Variants in SLC8A1 observed in about 807,000 individuals in gnomAD.
The protein encoded by SLC8A1 is sodium/calcium exchanger 1.
Under a neutral mutation model 68.3 loss-of-function variants are expected in SLC8A1, and 18 were observed. That is an observed-to-expected ratio of 0.26 (90% confidence interval 0.18 to 0.39). The LOEUF is 0.39. Among genes scored for constraint, SLC8A1 ranks in the 10% least tolerant of loss-of-function variants. SLC8A1 has a pLI of 1.00. For missense variants in SLC8A1, 985 were observed against 1,156.7 expected (o/e 0.85, Z 2.15); for synonymous variants, 475 against 415.5 (o/e 1.14, Z -1.74).
chr2:40,422,367 C>A (rs1273229173), intron 2 of SLC8A1, among the ~76,000 whole-genome samples: 1 of 152,074 alleles, frequency 6.6e-6, no homozygotes, highest in African/African-American at 2.4e-5. Context: ...TACAATGTTG[C>A]CTATAGGCAA....
chr2:40,366,293 T>C (rs1161804720), intron 2 of SLC8A1, among the ~76,000 whole-genome samples: 1 of 152,080 alleles, frequency 6.6e-6, no homozygotes, highest in African/African-American at 2.4e-5. Flanking sequence ...CTTGCTAAAA[T>C]AGTGCTGACA....
chr2:40,263,355 T>C (rs142712182), intron 2 of SLC8A1, among the ~76,000 whole-genome samples: 179 of 152,282 alleles, frequency 1.2e-3, no homozygotes, highest in South Asian at 2.5e-3. Flanking sequence ...AAAACTACTT[T>C]AAAGTTCATA....
chr2:40,108,905 A>C (rs1340837081), exon 8 of SLC8A1: 6 of 152,164 alleles, frequency 3.9e-5, no homozygotes, highest in African/African-American at 1.2e-4. Flanking sequence ...GTCTAATTAA[A>C]AAGTTGTGTA....
intron 2 of SLC8A1, among the ~76,000 whole-genome samples, chr2:40,267,759 A>T (rs990925457): frequency 4.6e-5 from 7 of 152,192 alleles, no homozygotes; most frequent in Non-Finnish European, 1.5e-5. Flanking sequence ...TACAAGGTAG[A>T]TATTATTTTC....
intron 2 of SLC8A1, among the ~76,000 whole-genome samples, chr2:40,412,391 A>C (rs1390915179): frequency 6.6e-6 from 1 of 152,162 alleles, no homozygotes; most frequent in African/African-American, 2.4e-5. Context: ...TCTATTTTGT[A>C]ATCATATATT....
intron 2 of SLC8A1, among the ~76,000 whole-genome samples, chr2:40,372,233 C>A (rs1444932936): frequency 2.0e-5 from 3 of 151,844 alleles, no homozygotes; most frequent in Non-Finnish European, 4.4e-5. Flanking sequence ...TATATGGTCA[C>A]AGAAATCCTA....
In SLC8A1 at chr2:40,370,406, C is replaced by G. The variant is rs559026096; in HGVS notation, c.1808+58067G>C. Among the ~76,000 whole-genome samples, 7 of 152,208 alleles carry G rather than the reference C, an allele frequency of 4.6e-5. No homozygotes were observed. The South Asian group carries it at 1.0e-3, about 23-fold the overall frequency. ...ATATAGCAAAGGCTCTCTGGTGCCT[C>G]TTTTCTCTTTTCCCCTTCATCTTGC... On this transcript the variant is annotated intron_variant, in intron 2 of 7. Transcript: ENST00000406785.
chr2:40,473,231 G>C (rs1370808135), intron 1 of SLC8A1, among the ~76,000 whole-genome samples: 1 of 152,050 alleles, frequency 6.6e-6, no homozygotes, highest in Non-Finnish European at 1.5e-5. Context: ...GAAAATGAAA[G>C]ACATAGAAAA....
intron 2 of SLC8A1, among the ~76,000 whole-genome samples, chr2:40,229,075 C>G (rs908414810): frequency 6.6e-6 from 1 of 152,048 alleles, no homozygotes; most frequent in Non-Finnish European, 1.5e-5. Flanking sequence ...TTATTTTATA[C>G]ATAATCTAAT....
At chr2:40,146,883 T>A (rs368873813) in intron 6 of SLC8A1, among the ~76,000 whole-genome samples, 151 of 152,242 alleles carry the variant, frequency 9.9e-4, no homozygotes, top group African/African-American at 3.5e-3. Flanking sequence ...TAGTGCTACT[T>A]CTTAAGGGGT....
At chr2:40,420,381 GA>G (rs1695154384) in intron 2 of SLC8A1, among the ~76,000 whole-genome samples, 1 of 147,768 alleles carries the variant, frequency 6.8e-6, no homozygotes, top group Non-Finnish European at 1.5e-5. Flanking sequence ...AACAGACCAA[GA>G]AACTGCTATT....
chr2:40,345,752 C>T (rs1181758558), intron 2 of SLC8A1, among the ~76,000 whole-genome samples: 2 of 152,042 alleles, frequency 1.3e-5, no homozygotes, highest in Non-Finnish European at 2.9e-5. Context: ...GAACAGAAAA[C>T]CAAACACTGC....
chr2:40,339,531 A>T (rs914919514), intron 2 of SLC8A1, among the ~76,000 whole-genome samples: 3 of 152,232 alleles, frequency 2.0e-5, no homozygotes, highest in African/African-American at 7.2e-5. Context: ...ACTGTACCAG[A>T]TTGTGAAAAG....
intron 2 of SLC8A1, among the ~76,000 whole-genome samples, chr2:40,263,090 A>G (rs2064916734): frequency 6.6e-6 from 1 of 152,228 alleles, no homozygotes; most frequent in Non-Finnish European, 1.5e-5. Flanking sequence ...TACATTTTGA[A>G]AAACCTACAG....
At chr2:40,336,824 C>G (rs1666130339) in intron 2 of SLC8A1, among the ~76,000 whole-genome samples, 5 of 152,048 alleles carry the variant, frequency 3.3e-5, no homozygotes, top group South Asian at 4.1e-4. Flanking sequence ...TCAGAGATGT[C>G]ACATGGAATC....
chr2:40,353,905 G>A (rs1161258568), intron 2 of SLC8A1, among the ~76,000 whole-genome samples: 1 of 152,146 alleles, frequency 6.6e-6, no homozygotes, highest in Non-Finnish European at 1.5e-5. Flanking sequence ...TGTCTTCCTT[G>A]GAAAAGGAAA....
At chr2:40,169,973 T>C (rs535516559) in intron 4 of SLC8A1, among the ~76,000 whole-genome samples, 2 of 152,142 alleles carry the variant, frequency 1.3e-5, no homozygotes, top group East Asian at 3.9e-4. Context: ...TCATTACACT[T>C]GGGATAAAAA....
chr2:40,307,668 A>G (rs895890914), intron 2 of SLC8A1, among the ~76,000 whole-genome samples: 127 of 152,328 alleles, frequency 8.3e-4, no homozygotes, highest in African/African-American at 2.9e-3. Context: ...ACTTCTTTAC[A>G]TAAGTAGCCA....
At chr2:40,494,288 C>G (rs1421519166) in intron 1 of SLC8A1, among the ~76,000 whole-genome samples, 1 of 152,006 alleles carries the variant, frequency 6.6e-6, no homozygotes, top group Admixed American at 6.6e-5. Flanking sequence ...AAAATAAACT[C>G]TGGCTTCCAA....
Sources: allele counts gnomAD v4.1 joint callset (sites outside exome capture counted in the v4.1 genomes callset), GRCh38; gene constraint gnomAD v4.1.1; transcripts MANE v1.5; gene names NCBI Gene and HGNC (gene_info 2026-07-23, HGNC 2026-07-21).